NFS1: variants seen among roughly 807,000 people sequenced by gnomAD.
The protein encoded by NFS1 is NFS1 cysteine desulfurase.
In NFS1, 26 loss-of-function variants were observed where a neutral mutation model predicts 57.3. The observed-to-expected ratio is 0.45, with a 90% CI of 0.33 to 0.63. The LOEUF (loss-of-function observed/expected upper bound fraction) is 0.63. NFS1 is among the 20% of genes least tolerant of loss of function. The pLI, the probability that NFS1 is intolerant of heterozygous loss-of-function variation, is 0.02. For synonymous variants in NFS1, 209 were observed against 216.3 expected (o/e 0.97, Z 0.30); for missense variants, 505 against 605.8 (o/e 0.83, Z 1.75).
At chr20:35,678,449 A>G (rs1314807547) in intron 7 of NFS1, among the ~76,000 whole-genome samples, 2 of 150,560 alleles carry the variant, frequency 1.3e-5, no homozygotes, top group Admixed American at 1.3e-4. Context: ...AATCGCTTGA[A>G]CCCGGGAGGC....
chr20:35,683,818 A>G (rs965294424), intron 5 of NFS1, among the ~76,000 whole-genome samples: 2 of 149,652 alleles, frequency 1.3e-5, no homozygotes, highest in African/African-American at 2.5e-5. Flanking sequence ...AAAAAGAAAG[A>G]AAGAAATTGC....
chr20:35,690,855 G>A (rs1034455788), intron 4 of NFS1, among the ~76,000 whole-genome samples: 1 of 152,126 alleles, frequency 6.6e-6, no homozygotes, highest in Non-Finnish European at 1.5e-5. Context: ...CAAATTCAGG[G>A]CTTCCCGAAG....
rs2034854176 is a variant in NFS1 at position 35,681,855 on chromosome 20, G to A, written c.655+33C>T. The A allele has an allele frequency of 2.4e-6, 3 of 1,244,048 alleles. No individual in the cohort carries two copies. In the Admixed American group the frequency reaches 5.1e-5, roughly 21 times the overall value. 77.1% of individuals were successfully genotyped at this position (1,244,048 alleles called of 1,614,324 possible). On this transcript the variant is annotated intron_variant, in intron 6 of 12. Coordinates refer to ENST00000374092, the MANE Select transcript of NFS1 (RefSeq NM_021100.5). ...ACTACCTCATACAGAGCCCCATGGT[G>A]GGCAGGGATCAGGGATAAGCCATGA...
intron 7 of NFS1, 32 bp from the exon 8 acceptor site, chr20:35,675,234 AAGAG>A: frequency 6.4e-7 from 1 of 1,559,280 alleles, no homozygotes; most frequent in Non-Finnish European, 8.7e-7. Flanking sequence ...AAAAAACAGA[AAGAG>A]AGAAAAGTAG....
chr20:35,690,390 C>T (rs1290241494), intron 5 of NFS1, 23 bp downstream of exon 5: 5 of 1,602,864 alleles, frequency 3.1e-6, no homozygotes, highest in Admixed American at 1.7e-5. Context: ...ATTTTTGCTC[C>T]TCCTGCCAAT....
At chr20:35,679,171 GTA>G (rs903789816) in intron 7 of NFS1, among the ~76,000 whole-genome samples, 3 of 152,090 alleles carry the variant, frequency 2.0e-5, no homozygotes, top group African/African-American at 7.2e-5. Context: ...TACACAGGAG[GTA>G]TATATATTAT....
intron 4 of NFS1, chr20:35,692,128 G>C (rs1000394315): frequency 5.9e-6 from 1 of 169,144 alleles, no homozygotes; most frequent in African/African-American, 2.4e-5. Context: ...GGAGGCTGCA[G>C]TGAGCCGAGG....
rs571639965 is a variant in NFS1, at chr20:35,680,984, C to T, written c.656-113G>A. The T allele has an allele frequency of 3.9e-4, 318 of 810,238 alleles. 1 individual carries two copies. In the African/African-American group the frequency reaches 5.4e-3, roughly 14 times the overall value. 50.2% of individuals were successfully genotyped at this position (810,238 alleles called of 1,614,324 possible). On this transcript the variant is annotated intron_variant, in intron 6 of 12. Transcript: ENST00000374092. ...GTAAATGACCTGTAAATATTAAACT[C>T]CTCCCCTCCCTCCTTCTACCCCTTC... is the stretch of plus-strand genomic sequence containing the variant.
Position 35,687,673 on chromosome 20 carries a change from C to T in NFS1, c.561+2740G>A, listed in dbSNP as rs113365121. On this transcript the variant is annotated intron_variant, in intron 5 of 12. Coordinates refer to ENST00000374092, the MANE Select transcript of NFS1 (RefSeq NM_021100.5). Reference sequence around the variant, plus strand: ...TCTCTGTCTTGTGTCTTTATTTCTACGCTCTCTCGTCTCTGCACATGGGGA... The same window carrying T: ...TCTCTGTCTTGTGTCTTTATTTCTATGCTCTCTCGTCTCTGCACATGGGGA... 5.7e-3 allele frequency among the ~76,000 whole-genome samples: 874 copies of T among 152,290 alleles called. 18 individuals carry two copies. Among genetic ancestry groups the T allele is most frequent in the African/African-American group, 0.019 (807 of 41,558 alleles).
intron 7 of NFS1, among the ~76,000 whole-genome samples, chr20:35,676,916 G>C (rs1019506368): frequency 4.6e-5 from 7 of 151,832 alleles, no homozygotes; most frequent in African/African-American, 1.7e-4. Context: ...GCCCAGACTG[G>C]AGTGCAATGG....
At chr20:35,671,770 G>C (rs1436187976) in intron 12 of NFS1, among the ~76,000 whole-genome samples, 1 of 151,530 alleles carries the variant, frequency 6.6e-6, no homozygotes, top group East Asian at 2.0e-4. Context: ...CATGCCTGTA[G>C]TACCAGCTAC....
intron 7 of NFS1, among the ~76,000 whole-genome samples, chr20:35,679,477 C>G (rs1490009851): frequency 6.6e-6 from 1 of 152,086 alleles, no homozygotes; most frequent in Non-Finnish European, 1.5e-5. Context: ...CCACCGTGCC[C>G]AGCCCATGAG....
intron 12 of NFS1, 65 bp from the exon 13 acceptor site, chr20:35,669,750 A>G (rs991726589): frequency 1.3e-6 from 2 of 1,482,666 alleles, no homozygotes; most frequent in African/African-American, 2.8e-5. Context: ...CATTGGCCCC[A>G]AGGCTCTGAG....
rs2034700257 is a variant in NFS1, at chr20:35,674,114, A to G, written c.1136+236T>C. ...AGTGTAACCCACAACAGACACATAC[A>G]TCCCCTGGGACGATAAAAGGCACAA... is the stretch of plus-strand genomic sequence containing the variant. On this transcript the variant is annotated intron_variant, in intron 10 of 12. Transcript: ENST00000374092. 5.6e-6 allele frequency: 3 copies of G among 532,858 alleles called. No individual in the cohort carries two copies. The East Asian group carries it at 9.9e-5, about 18-fold the overall frequency. 33.0% of individuals were successfully genotyped at this position (532,858 alleles called of 1,614,324 possible).
At position 35,699,261 on chromosome 20, in the gene NFS1, C is replaced by A; in HGVS notation, c.28G>T (p.Ala10Ser). The A allele has an allele frequency of 7.0e-7, 1 of 1,424,178 alleles. No homozygotes were observed. The highest frequency in any genetic ancestry group is 9.1e-7 in the Non-Finnish European group (1 of 1,098,366). 88.2% of individuals were successfully genotyped at this position (1,424,178 alleles called of 1,614,324 possible). A position where few individuals can be genotyped will look rare whatever the true frequency, so the allele number is the denominator to read the frequency against. ...GGAGCCGCTGTCACCGCCACTGCCG[C>A]CCGCCTCCAAGCGGCTCGGAGCAGC... MLLRAAWRRAAVAVTAAPGP... is the reference protein window; with the variant it reads MLLRAAWRRSAVAVTAAPGP... The change falls in exon 1 of 13, where the codon GCG (alanine) becomes TCG (serine). Residue 10 changes from alanine to serine, a missense_variant. By Grantham distance (99) the Ala-to-Ser change is moderately conservative. Transcript: ENST00000374092. This position sits in a 1 kb window ranked among gnomAD's most constrained non-coding sequence, Gnocchi z 4.4.
intron 4 of NFS1, among the ~76,000 whole-genome samples, chr20:35,695,813 G>C (rs895378398): frequency 6.6e-6 from 1 of 152,066 alleles, no homozygotes; most frequent in African/African-American, 2.4e-5. Flanking sequence ...AGGTCGAGAT[G>C]GGAGGATCAT....
At chr20:35,679,000 T>C (rs551067523) in intron 7 of NFS1, among the ~76,000 whole-genome samples, 1 of 152,322 alleles carries the variant, frequency 6.6e-6, no homozygotes, top group Admixed American at 6.5e-5. Context: ...TCAAATACCA[T>C]GTCTGAACAG....
At chr20:35,687,268 T>C (rs559330240) in intron 5 of NFS1, among the ~76,000 whole-genome samples, 22 of 152,358 alleles carry the variant, frequency 1.4e-4, no homozygotes, top group Non-Finnish European at 2.8e-4. Flanking sequence ...CCTGTGATGC[T>C]GTGCTTCAGT....
chr20:35,692,399 TA>T (rs60895762), intron 4 of NFS1: 13,688 of 153,158 alleles, frequency 0.089, 444 homozygotes, highest in South Asian at 0.21. Flanking sequence ...ATTAATTAAT[TA>T]AAAAAAAAAA....
Sources: allele counts gnomAD v4.1 joint callset (sites outside exome capture counted in the v4.1 genomes callset), GRCh38; gene constraint gnomAD v4.1.1; non-coding constraint Gnocchi (gnomAD v3.1); transcripts MANE v1.5; gene names NCBI Gene and HGNC (gene_info 2026-07-23, HGNC 2026-07-21).